The following MAP2 variants were observed in gnomAD, a reference collection of about 807,000 sequenced individuals.
MAP2 encodes the protein microtubule associated protein 2.
A neutral mutation model predicts 137.6 loss-of-function variants in MAP2; 14 were observed. The ratio of observed to expected loss-of-function variants is 0.10; its 90% CI spans 0.07 to 0.16. The LOEUF (loss-of-function observed/expected upper bound fraction) is 0.16. Among genes scored for constraint, MAP2 ranks in the 10% least tolerant of loss-of-function variants. The pLI is 1.00. For synonymous variants in MAP2, 786 were observed against 782.3 expected, an observed-to-expected ratio of 1.00 and a Z score of -0.08; for missense variants, 2,088 against 2,191.5, an observed-to-expected ratio of 0.95 and a Z score of 0.94.
intron 2 of MAP2, among the ~76,000 whole-genome samples, chr2:209,553,619 G>A (rs185715612): frequency 3.3e-5 from 5 of 152,146 alleles, no homozygotes; most frequent in Admixed American, 2.6e-4. Flanking sequence ...GTAGTTATTG[G>A]CATAACTTCT....
chr2:209,541,258 A>G (rs1242638085), intron 2 of MAP2, among the ~76,000 whole-genome samples: 1 of 151,028 alleles, frequency 6.6e-6, no homozygotes, highest in Non-Finnish European at 1.5e-5. Context: ...TCGAACTTCT[A>G]ACTTCAAGTG....
chr2:209,709,394 A>G (rs1328875507), intron 12 of MAP2, among the ~76,000 whole-genome samples: 1 of 152,194 alleles, frequency 6.6e-6, no homozygotes. Context: ...GTATAAGGAT[A>G]TAATATTGAA....
At chr2:209,483,805 G>A (rs1319507211) in intron 1 of MAP2, among the ~76,000 whole-genome samples, 1 of 152,166 alleles carries the variant, frequency 6.6e-6, no homozygotes, top group African/African-American at 2.4e-5. Flanking sequence ...GCCTTAAAGA[G>A]CACACACCAT....
intron 2 of MAP2, among the ~76,000 whole-genome samples, chr2:209,539,981 G>A (rs930760839): frequency 6.0e-5 from 9 of 148,912 alleles, no homozygotes; most frequent in African/African-American, 7.5e-5. Context: ...TGTGCCTGTA[G>A]TCCCAGCTAC....
intron 5 of MAP2, among the ~76,000 whole-genome samples, chr2:209,657,311 C>T (rs943244731): frequency 3.3e-5 from 5 of 152,144 alleles, no homozygotes; most frequent in African/African-American, 9.7e-5. Flanking sequence ...ATTGCTGGAT[C>T]GAATGGTAGT....
chr2:209,590,132 G>A (rs1448549726), intron 3 of MAP2, among the ~76,000 whole-genome samples: 2 of 152,006 alleles, frequency 1.3e-5, no homozygotes, highest in African/African-American at 4.8e-5. Flanking sequence ...CCCCATCCAT[G>A]CTCTCATTAG....
intron 3 of MAP2, among the ~76,000 whole-genome samples, chr2:209,609,034 C>T (rs937568456): frequency 2.0e-5 from 3 of 152,040 alleles, no homozygotes; most frequent in African/African-American, 7.2e-5. Flanking sequence ...TGCTCTCACC[C>T]TATACTTTGT....
intron 1 of MAP2, among the ~76,000 whole-genome samples, chr2:209,477,842 T>TA (rs540336538): frequency 0.041 from 5,356 of 131,714 alleles, 107 homozygotes; most frequent in South Asian, 0.078. Context: ...TACAAAATAT[T>TA]AAAAAAAAAA....
intron 3 of MAP2, among the ~76,000 whole-genome samples, chr2:209,582,947 C>T (rs1299939672): frequency 6.6e-6 from 1 of 152,016 alleles, no homozygotes; most frequent in Non-Finnish European, 1.5e-5. Context: ...TACAGTTGGG[C>T]AAACCCAAGT....
chr2:209,587,084 T>C (rs1450328134), intron 3 of MAP2, among the ~76,000 whole-genome samples: 1 of 152,120 alleles, frequency 6.6e-6, no homozygotes, highest in Non-Finnish European at 1.5e-5. Context: ...TGGCTTGTGT[T>C]TGGGGACGTG....
At chr2:209,545,968 G>A (rs186136410) in intron 2 of MAP2, among the ~76,000 whole-genome samples, 29 of 152,146 alleles carry the variant, frequency 1.9e-4, no homozygotes, top group East Asian at 7.8e-4. Context: ...GTGAAACCCC[G>A]TCTCTACTAA....
intron 2 of MAP2, among the ~76,000 whole-genome samples, chr2:209,531,453 C>T (rs1242156285): frequency 6.6e-6 from 1 of 152,086 alleles, no homozygotes; most frequent in East Asian, 1.9e-4. Flanking sequence ...AATACAAACA[C>T]TTTTTTTATG....
At chr2:209,539,761 A>G (rs954464263) in intron 2 of MAP2, among the ~76,000 whole-genome samples, 5 of 151,858 alleles carry the variant, frequency 3.3e-5, no homozygotes, top group African/African-American at 1.2e-4. Flanking sequence ...GTTGTTGACA[A>G]ACTCATGTAA....
At chr2:209,704,711 C>A in intron 11 of MAP2, 3 of 1,217,356 alleles carry the variant, frequency 2.5e-6, no homozygotes, top group Admixed American at 5.4e-5. Flanking sequence ...TGTATGAAAG[C>A]AAATACTTTA....
rs193205449 is a variant in MAP2 at position 209,451,468 on chromosome 2, C to T, written c.-222+27192C>T. 1.1e-3 allele frequency among the ~76,000 whole-genome samples: 174 copies of T among 152,314 alleles called. 2 individuals carry two copies. The highest frequency in any genetic ancestry group is 4.1e-3 in the African/African-American group (169 of 41,578). ...CCTCCCAGGTAAGTAGTTCAGGCCC[C>T]CTTTCCTGGCAGTAGCTGTGGTGGG... On this transcript the variant is annotated intron_variant, in intron 1 of 15. Coordinates refer to ENST00000682079, the MANE Select transcript of MAP2 (RefSeq NM_001375505.1).
At chr2:209,624,209 T>C (rs778807126) in intron 3 of MAP2, among the ~76,000 whole-genome samples, 8 of 152,130 alleles carry the variant, frequency 5.3e-5, no homozygotes, top group Non-Finnish European at 1.0e-4. Context: ...GAGCAACATC[T>C]TCCTAGAAGA....
intron 2 of MAP2, among the ~76,000 whole-genome samples, chr2:209,533,955 T>C (rs2065550877): frequency 6.6e-6 from 1 of 152,126 alleles, no homozygotes; most frequent in Admixed American, 6.5e-5. Flanking sequence ...CACACCCAGT[T>C]GGAGGGAATG....
At chr2:209,720,070 G>A (rs1192872631) in intron 13 of MAP2, among the ~76,000 whole-genome samples, 1 of 152,144 alleles carries the variant, frequency 6.6e-6, no homozygotes, top group Non-Finnish European at 1.5e-5. Context: ...AGGCCTTAAA[G>A]TATAGAATAT....
chr2:209,600,216 G>A (rs531338347), intron 3 of MAP2, among the ~76,000 whole-genome samples: 24 of 152,242 alleles, frequency 1.6e-4, no homozygotes, highest in African/African-American at 5.8e-4. Flanking sequence ...ACATCGACAG[G>A]TGAAAAGCAG....
Sources: allele counts gnomAD v4.1 joint callset (sites outside exome capture counted in the v4.1 genomes callset), GRCh38; gene constraint gnomAD v4.1.1; transcripts MANE v1.5; gene names NCBI Gene and HGNC (gene_info 2026-07-23, HGNC 2026-07-21).